ARHGEF2: variants seen among roughly 807,000 people sequenced by gnomAD.
ARHGEF2 encodes rho guanine nucleotide exchange factor 2.
Under a neutral mutation model 121.0 loss-of-function variants are expected in ARHGEF2, and 22 were observed. The ratio of observed to expected loss-of-function variants is 0.18; its 90% confidence interval spans 0.13 to 0.26. ARHGEF2 has a LOEUF of 0.26. Among genes scored for constraint, ARHGEF2 ranks in the 10% least tolerant of loss-of-function variants. The pLI is 1.00. For missense variants in ARHGEF2, 907 were observed against 1,336.0 expected (o/e 0.68, Z 5.01); for synonymous variants, 487 against 530.0 (o/e 0.92, Z 1.11).
chr1:155,950,879 G>A lies in ARHGEF2; in HGVS notation c.2653C>T (p.Arg885Cys), dbSNP rs754988520. 9 of 1,555,846 alleles carry A rather than the reference G, an allele frequency of 5.8e-6. No homozygotes were observed. The highest frequency in any genetic ancestry group is 1.2e-5 in the South Asian group (1 of 82,030). Reference protein sequence around the residue: ...WARRPVDPRRRSLPAGDALYL... With the variant: ...WARRPVDPRRCSLPAGDALYL... Reference sequence around the variant, plus strand: ...AGGGCATCGCCTGCGGGGAGGCTGCGCCGCCGAGGATCCACAGGTCTGCGG... The same window carrying A: ...AGGGCATCGCCTGCGGGGAGGCTGCACCGCCGAGGATCCACAGGTCTGCGG... Residue 885 changes from arginine to cysteine, a missense_variant, in exon 20 of 22, where the codon CGC becomes TGC. Physicochemically the swap from Arg to Cys is radical, Grantham distance 180. Coordinates refer to ENST00000361247, the MANE Select transcript of ARHGEF2 (RefSeq NM_001162383.2). The surrounding 1 kb of genome is among the most constrained non-coding windows in gnomAD (Gnocchi z 5.2).
At position 155,962,469 on chromosome 1, in the gene ARHGEF2, T is replaced by C. The variant is rs1440738143; in HGVS notation, c.1101+124A>G. The C allele has an allele frequency of 7.2e-6, 10 of 1,386,580 alleles. No individual in the cohort carries two copies. Among genetic ancestry groups the C allele is most frequent in the Non-Finnish European group, 1.0e-5 (10 of 1,002,996 alleles). The allele number at this position is 1,386,580 out of a possible 1,614,324, so 85.9% of individuals were successfully genotyped here. A position where few individuals can be genotyped will look rare whatever the true frequency, so the allele number is the denominator to read the frequency against. On this transcript the variant is annotated intron_variant, in intron 9 of 21. Transcript: ENST00000361247. The surrounding 1 kb of genome is among the most constrained non-coding windows in gnomAD (Gnocchi z 5.8). The stretch of plus-strand genomic sequence containing the variant: ...GGTTACTGCTGACAGGATCTGTGTA[T>C]GGATGGTCTGCACGGGTGGCGAATG...
chr1:155,949,562 G>C (rs1480939527), intron 21 of ARHGEF2, among the ~76,000 whole-genome samples: 1 of 150,664 alleles, frequency 6.6e-6, no homozygotes, highest in East Asian at 2.0e-4. Flanking sequence ...CCTGGCGACA[G>C]AGTGAGAATT....
rs1171459525 is a variant in ARHGEF2 at position 155,958,950 on chromosome 1, G to A, written c.1469-554C>T. On this transcript the variant is annotated intron_variant, in intron 11 of 21. Transcript: ENST00000361247. ...GGGCAGGGTGCAGAAAGATTCATGT[G>A]CTATCAGACAAAACAGCGTTGTGGG... Among the ~76,000 whole-genome samples, 3 of 151,858 alleles carry A rather than the reference G, an allele frequency of 2.0e-5. No homozygotes were observed. The East Asian group carries it at 5.8e-4, about 29-fold the overall frequency.
chr1:155,964,189 T>TAC lies in ARHGEF2; in HGVS notation c.724+798_724+799insGT, dbSNP rs1558031472. Reference sequence around the variant, plus strand: ...AAAAATATATATATATATATATATATATATATATACATATATATATATATA... The same window carrying TAC: ...AAAAATATATATATATATATATATATACATATATATACATATATATATATATA... On this transcript the variant is annotated intron_variant, in intron 7 of 21. Coordinates refer to ENST00000361247, the MANE Select transcript of ARHGEF2 (RefSeq NM_001162383.2). Among the ~76,000 whole-genome samples, 523 of 125,404 alleles carry TAC rather than the reference T, an allele frequency of 4.2e-3. 14 individuals carry two copies. The highest frequency in any genetic ancestry group is 0.017 in the African/African-American group (501 of 29,258). 82.3% of individuals were successfully genotyped at this position (125,404 alleles called of 152,430 possible).
chr1:155,962,531 C>A lies in ARHGEF2; in HGVS notation c.1101+62G>T. The A allele has an allele frequency of 6.3e-7, 1 of 1,597,752 alleles. No homozygotes were observed. Among genetic ancestry groups the A allele is most frequent in the South Asian group, 1.1e-5 (1 of 88,296 alleles). On this transcript the variant is annotated intron_variant, in intron 9 of 21. Coordinates refer to ENST00000361247, the MANE Select transcript of ARHGEF2 (RefSeq NM_001162383.2). This position sits in a 1 kb window ranked among gnomAD's most constrained non-coding sequence, Gnocchi z 5.8. The stretch of plus-strand genomic sequence containing the variant: ...TGTGGGTGCAGCTCACAGGCACTAC[C>A]CCCATGAGTTGGGGAGGGTGGGTTT...
chr1:155,971,896 T>A (rs1041561921), intron 1 of ARHGEF2, among the ~76,000 whole-genome samples: 18 of 148,978 alleles, frequency 1.2e-4, no homozygotes, highest in South Asian at 2.1e-4. Flanking sequence ...AAAAAAAAAA[T>A]ATATACATAT....
At chr1:155,975,904 C>T (rs189834186) in intron 1 of ARHGEF2, among the ~76,000 whole-genome samples, 60 of 152,094 alleles carry the variant, frequency 3.9e-4, no homozygotes, top group Non-Finnish European at 7.4e-4. Flanking sequence ...AGGTTTGGGG[C>T]TTGTGGAGGT....
At chr1:155,948,255 A>G (rs1451125601) in intron 21 of ARHGEF2, among the ~76,000 whole-genome samples, 1 of 152,266 alleles carries the variant, frequency 6.6e-6, no homozygotes, top group African/African-American at 2.4e-5. Flanking sequence ...TTAGGAAAAT[A>G]CAAAATACTT....
At chr1:155,972,380 G>A (rs915773554) in intron 1 of ARHGEF2, 1 of 445,784 alleles carries the variant, frequency 2.2e-6, no homozygotes, top group Admixed American at 2.4e-5. Context: ...CTATTGTCCC[G>A]GAGGTTGCCT....
At chr1:155,954,686 A>C (rs2102641172) in intron 14 of ARHGEF2, among the ~76,000 whole-genome samples, 1 of 151,138 alleles carries the variant, frequency 6.6e-6, no homozygotes, top group Admixed American at 6.7e-5. Context: ...TGAAAAAGTA[A>C]GTTACTCACC....
chr1:155,971,023 C>T, intron 1 of ARHGEF2: 2 of 986,594 alleles, frequency 2.0e-6, no homozygotes, highest in Non-Finnish European at 2.4e-6. Flanking sequence ...TCCCGCTCTG[C>T]CTTCCCTTTC....
intron 1 of ARHGEF2, among the ~76,000 whole-genome samples, chr1:155,977,314 C>A (rs552020586): frequency 3.9e-5 from 6 of 152,106 alleles, no homozygotes; most frequent in Non-Finnish European, 8.8e-5. Flanking sequence ...AAGTCAGCTT[C>A]ATCATTTCCT....
chr1:155,951,971 G>A lies in ARHGEF2; in HGVS notation c.2120C>T (p.Thr707Ile). 1 of 1,614,106 alleles carries A rather than the reference G, an allele frequency of 6.2e-7. No homozygotes were observed. Among genetic ancestry groups the A allele is most frequent in the Non-Finnish European group, 8.5e-7 (1 of 1,180,016 alleles). Residue 707 changes from threonine to isoleucine, a missense_variant, in exon 17 of 22, where the codon ACC becomes ATC. Thr to Ile is a moderately conservative substitution (Grantham distance 89, BLOSUM62 -1). Transcript: ENST00000361247. This position sits in a 1 kb window ranked among gnomAD's most constrained non-coding sequence, Gnocchi z 5.1. ...GCAGAGTTCAATGGAGCCATTGAAG[G>A]TTCTGGCCTCACCATCTGTTGAGAA... is the stretch of plus-strand genomic sequence containing the variant. The part of the protein sequence containing the change: ...PGVTANGEAR[T>I]FNGSIELCRA...
chr1:155,951,859 A>G lies in ARHGEF2; in HGVS notation c.2172+60T>C. 1 of 1,612,996 alleles carries G rather than the reference A, an allele frequency of 6.2e-7. No individual in the cohort carries two copies. The highest frequency in any genetic ancestry group is 8.5e-7 in the Non-Finnish European group (1 of 1,179,676). ...CCTGACAGCTTTGTGTTGAGGATCC[A>G]GAGGCTGGCTGTCCCTCTCCCACCC... On this transcript the variant is annotated intron_variant, in intron 17 of 21. Coordinates refer to ENST00000361247, the MANE Select transcript of ARHGEF2 (RefSeq NM_001162383.2). The surrounding 1 kb of genome is among the most constrained non-coding windows in gnomAD (Gnocchi z 5.1).
rs910092034 is a variant in ARHGEF2, at chr1:155,957,985, A to T, written c.1546-103T>A. On this transcript the variant is annotated intron_variant, in intron 12 of 21. Transcript: ENST00000361247. ...CGAGGACTGAAAGGACTGAAGAGTC[A>T]TCTTACAATACCAGTTAAGAGCCAG... 157 of 1,220,674 alleles carry T rather than the reference A, an allele frequency of 1.3e-4. 2 individuals carry two copies. The South Asian group carries it at 1.6e-3, about 12-fold the overall frequency. The allele number at this position is 1,220,674 out of a possible 1,614,324, so 75.6% of individuals were successfully genotyped here.
At chr1:155,958,514 T>C (rs1215017544) in intron 11 of ARHGEF2, 118 bp from the exon 12 acceptor site, 1 of 704,106 alleles carries the variant, frequency 1.4e-6, no homozygotes, top group African/African-American at 1.8e-5. Flanking sequence ...TCCCTCTTCC[T>C]GGCCTCTCTT....
chr1:155,957,293 G>C (rs544310365), intron 13 of ARHGEF2, among the ~76,000 whole-genome samples: 1 of 152,178 alleles, frequency 6.6e-6, no homozygotes, highest in Non-Finnish European at 1.5e-5. Flanking sequence ...TATGAGACTT[G>C]TTCCTCTCTA....
Position 155,950,715 on chromosome 1 carries a change from C to T in ARHGEF2, c.2703+114G>A. 1 of 1,147,918 alleles carries T rather than the reference C, an allele frequency of 8.7e-7. No homozygotes were observed. The highest frequency in any genetic ancestry group is 2.4e-5 in the East Asian group (1 of 42,202). The allele number at this position is 1,147,918 out of a possible 1,614,324, so 71.1% of individuals were successfully genotyped here. A position where few individuals can be genotyped will look rare whatever the true frequency, so the allele number is the denominator to read the frequency against. On this transcript the variant is annotated intron_variant, in intron 20 of 21. Transcript: ENST00000361247. This position sits in a 1 kb window ranked among gnomAD's most constrained non-coding sequence, Gnocchi z 5.2. ...CTCCAACCAGTATCTCAATATCCTTCAAGTCAGTTGACTGATTGCATTTGG... is the reference window on the plus strand; with the variant it reads ...CTCCAACCAGTATCTCAATATCCTTTAAGTCAGTTGACTGATTGCATTTGG...
rs1676361288 is a variant in ARHGEF2 at position 155,954,911 on chromosome 1, G to A, written c.1774C>T (p.Arg592Ter). The change falls in exon 14 of 22, where the codon CGA (arginine) becomes TGA (stop). Residue 592 changes from arginine (R) to a stop codon, truncating the protein, a stop_gained. Transcript: ENST00000361247. LOFTEE classifies it high-confidence loss of function. The part of the protein sequence containing the change: ...IETEDEAYLR[R>*]IKMELQQKDR... ...TTGTGGGTGGACTTACTCTTAATTCGCCGCAGGTAAGCCTCATCCTCTGTC... is the reference window on the plus strand; with the variant it reads ...TTGTGGGTGGACTTACTCTTAATTCACCGCAGGTAAGCCTCATCCTCTGTC... 1 of 1,610,580 alleles carries A rather than the reference G, an allele frequency of 6.2e-7. No individual in the cohort carries two copies. The highest frequency in any genetic ancestry group is 8.5e-7 in the Non-Finnish European group (1 of 1,178,502).
Sources: gnomAD v4.1 joint callset for allele counts (sites outside exome capture counted in the v4.1 genomes callset) on GRCh38, gnomAD v4.1.1 for gene constraint, Gnocchi (gnomAD v3.1) non-coding constraint, MANE v1.5 for transcripts, NCBI Gene and HGNC (gene_info 2026-07-23, HGNC 2026-07-21) for gene names.